The following DMD variants were observed in gnomAD, a reference collection of about 807,000 sequenced individuals.
DMD encodes dystrophin, also known as mutant dystrophin.
A neutral mutation model predicts 330.1 loss-of-function variants in DMD; 63 were observed. The observed-to-expected ratio is 0.19, with a 90% CI of 0.16 to 0.24. DMD has a LOEUF of 0.24. DMD is among the 10% of genes least tolerant of loss of function. The pLI, the probability that DMD is intolerant of heterozygous loss-of-function variation, is 1.00. For synonymous variants in DMD, 1,223 were observed against 959.8 expected, an observed-to-expected ratio of 1.27 and a Z score of -5.07; for missense variants, 3,344 against 2,684.1, an observed-to-expected ratio of 1.25 and a Z score of -5.43.
intron 60 of DMD, among the ~76,000 whole-genome samples, chrX:31,408,045 G>A (rs773372631): frequency 1.8e-4 from 20 of 112,343 alleles, no homozygotes; most frequent in South Asian, 1.1e-3. Flanking sequence ...TGATGATAGC[G>A]TAACCTGCAA....
intron 7 of DMD, among the ~76,000 whole-genome samples, chrX:32,783,171 A>G (rs2074988993): frequency 1.0e-5 from 1 of 97,472 alleles, no homozygotes; most frequent in Admixed American, 1.1e-4. Flanking sequence ...TATATGGCAT[A>G]TACACACATA....
intron 7 of DMD, among the ~76,000 whole-genome samples, chrX:32,798,314 C>A (rs1267933012): frequency 9.4e-6 from 1 of 106,375 alleles, no homozygotes. Context: ...TTCCAACTGC[C>A]CAGAAAATAC....
At chrX:32,599,248 T>C (rs1486109772) in intron 12 of DMD, among the ~76,000 whole-genome samples, 2 of 111,385 alleles carry the variant, frequency 1.8e-5, no homozygotes, top group South Asian at 3.7e-4. Flanking sequence ...TTATGAACTA[T>C]GCAACGTTCA....
chrX:31,948,504 C>T lies in DMD; in HGVS notation c.6615-16277G>A, dbSNP rs190448204. 3.1e-3 allele frequency among the ~76,000 whole-genome samples: 347 copies of T among 110,878 alleles called. 2 individuals carry two copies. The highest frequency in any genetic ancestry group is 0.011 in the African/African-American group (332 of 30,526). On this transcript the variant is annotated intron_variant, in intron 45 of 78. Coordinates refer to ENST00000357033, the MANE Select transcript of DMD (RefSeq NM_004006.3). ...TACCACCTATGGTGTACTAGCGTTC[C>T]GATTTCCTCACATCCTCAACAACAT...
At chrX:32,360,795 A>G (rs979307854) in intron 37 of DMD, among the ~76,000 whole-genome samples, 4 of 82,549 alleles carry the variant, frequency 4.8e-5, no homozygotes, top group Non-Finnish European at 9.1e-5. Context: ...ACACACACAC[A>G]CACAAAATAA....
intron 48 of DMD, among the ~76,000 whole-genome samples, chrX:31,871,346 A>C (rs1182128461): frequency 9.0e-6 from 1 of 111,421 alleles, no homozygotes; most frequent in Non-Finnish European, 1.9e-5. Flanking sequence ...ATGTGCAGTC[A>C]ATTTTCACTC....
intron 45 of DMD, 143 bp downstream of exon 45, chrX:31,968,196 T>G: frequency 1.6e-6 from 1 of 644,315 alleles, no homozygotes; most frequent in Non-Finnish European, 2.4e-6. Flanking sequence ...AAAAATTTCT[T>G]TACTGCTGTT....
At chrX:31,523,514 C>T (rs2073023835) in intron 55 of DMD, among the ~76,000 whole-genome samples, 1 of 112,012 alleles carries the variant, frequency 8.9e-6, no homozygotes, top group African/African-American at 3.2e-5. Context: ...CAAAATGACC[C>T]GATTTGGGGA....
At chrX:32,952,540 G>C (rs2091313359) in intron 2 of DMD, among the ~76,000 whole-genome samples, 1 of 111,262 alleles carries the variant, frequency 9.0e-6, no homozygotes, top group East Asian at 2.8e-4. Flanking sequence ...AAAAATCACA[G>C]TCTCGTGGGA....
intron 1 of DMD, among the ~76,000 whole-genome samples, chrX:33,206,002 A>G (rs1330344478): frequency 8.9e-6 from 1 of 111,904 alleles, no homozygotes; most frequent in East Asian, 2.8e-4. Flanking sequence ...CCATTAAGCC[A>G]TCTACATTCT....
chrX:32,893,861 G>A (rs1461874409), intron 2 of DMD, among the ~76,000 whole-genome samples: 2 of 111,312 alleles, frequency 1.8e-5, no homozygotes, highest in African/African-American at 6.5e-5. Context: ...TTTGGTCAAC[G>A]GGGTGTTAAG....
intron 44 of DMD, among the ~76,000 whole-genome samples, chrX:32,076,052 CAAAAAAAAAAAAAAAAAAAA>C (rs59686294): frequency 2.1e-4 from 4 of 18,758 alleles, no homozygotes; most frequent in Middle Eastern, 0.053. Context: ...GACTCTGTCT[CAAAAAAAAAAAAAAAAAAAA>C]AAAAAAAAAA....
chrX:32,614,237 T>C, intron 12 of DMD, 66 bp downstream of exon 12: 10 of 1,044,620 alleles, frequency 9.6e-6, no homozygotes, highest in Non-Finnish European at 1.3e-5. Context: ...TCTGTGTTAC[T>C]GTGTATAGGT....
chrX:33,031,420 G>A, intron 1 of DMD, among the ~76,000 whole-genome samples: 1 of 110,951 alleles, frequency 9.0e-6, no homozygotes, highest in East Asian at 2.9e-4. Flanking sequence ...TCTGCTCTCT[G>A]TAGTGGAATT....
At chrX:32,792,410 A>G (rs2075885847) in intron 7 of DMD, among the ~76,000 whole-genome samples, 1 of 112,272 alleles carries the variant, frequency 8.9e-6, no homozygotes, top group African/African-American at 3.2e-5. Flanking sequence ...AAAATGAAGA[A>G]AAAATATTCA....
intron 54 of DMD, among the ~76,000 whole-genome samples, chrX:31,654,676 C>T (rs1359046240): frequency 2.7e-5 from 3 of 111,300 alleles, no homozygotes; most frequent in Non-Finnish European, 5.7e-5. Context: ...CCAAATACCC[C>T]ATGTTCTCAT....
intron 44 of DMD, among the ~76,000 whole-genome samples, chrX:32,013,093 C>CTATTTTTTTTTTTTTTTTTTTT (rs1557064304): frequency 3.3e-5 from 2 of 61,158 alleles, no homozygotes; most frequent in African/African-American, 8.1e-5. Flanking sequence ...CTTTTCTTTC[C>CTATTTTTTTTTTTTTTTTTTTT]TTTTTTTTTT....
intron 9 of DMD, among the ~76,000 whole-genome samples, chrX:32,684,907 G>A (rs2062739829): frequency 9.0e-6 from 1 of 110,956 alleles, no homozygotes; most frequent in Admixed American, 9.7e-5. Flanking sequence ...CTTTATATTT[G>A]ACTTCTAACT....
intron 44 of DMD, among the ~76,000 whole-genome samples, chrX:31,987,338 A>G (rs2095516640): frequency 9.0e-6 from 1 of 111,613 alleles, no homozygotes; most frequent in South Asian, 3.8e-4. Flanking sequence ...GAGATACGCA[A>G]TACCTTACTG....
Sources: gnomAD v4.1 joint callset for allele counts (sites outside exome capture counted in the v4.1 genomes callset) on GRCh38, gnomAD v4.1.1 for gene constraint, MANE v1.5 for transcripts, NCBI Gene and HGNC (gene_info 2026-07-23, HGNC 2026-07-21) for gene names.